The following RBFOX1 variants were observed in gnomAD, a reference collection of about 807,000 sequenced individuals.
RBFOX1 encodes RNA binding protein fox-1 homolog 1.
Under a neutral mutation model 57.7 loss-of-function variants are expected in RBFOX1, and 8 were observed. That is an observed-to-expected ratio of 0.14 (90% CI 0.08 to 0.25). The LOEUF (loss-of-function observed/expected upper bound fraction) is 0.25. Among genes scored for constraint, RBFOX1 ranks in the 10% least tolerant of loss-of-function variants. The probability of loss-of-function intolerance (pLI) is 1.00; values close to 1 mark genes in which losing one functional copy is unlikely to be tolerated. For synonymous variants in RBFOX1, 326 were observed against 222.4 expected, an observed-to-expected ratio of 1.47 and a Z score of -4.15; for missense variants, 611 against 548.5, an observed-to-expected ratio of 1.11 and a Z score of -1.14.
chr16:7,212,673 A>T (rs572637040), intron 4 of RBFOX1, among the ~76,000 whole-genome samples: 6 of 152,280 alleles, frequency 3.9e-5, no homozygotes, highest in African/African-American at 1.2e-4. Context: ...TGAGGAGTGT[A>T]GTTATTAGGA....
intron 1 of RBFOX1, among the ~76,000 whole-genome samples, chr16:5,395,440 G>A (rs200705440): frequency 6.7e-6 from 1 of 148,716 alleles, no homozygotes; most frequent in African/African-American, 2.6e-5. Flanking sequence ...GTGAGGTCAT[G>A]GGCCTTTGGA....
At chr16:7,526,317 G>A (rs1170655618) in intron 5 of RBFOX1, among the ~76,000 whole-genome samples, 1 of 152,182 alleles carries the variant, frequency 6.6e-6, no homozygotes, top group Non-Finnish European at 1.5e-5. Context: ...GAATTCTCAT[G>A]AAGATTGGTT....
chr16:6,193,404 A>ATATATATATAT (rs2097158579), intron 1 of RBFOX1, among the ~76,000 whole-genome samples: 1 of 90,326 alleles, frequency 1.1e-5, no homozygotes, highest in African/African-American at 3.8e-5. Context: ...ATATATATAT[A>ATATATATATAT]TATATATATA....
intron 4 of RBFOX1, among the ~76,000 whole-genome samples, chr16:5,944,009 A>G (rs1046340096): frequency 1.8e-4 from 26 of 147,838 alleles, no homozygotes; most frequent in Admixed American, 2.7e-4. Context: ...CCATCCATCC[A>G]CTCACCCATC....
chr16:5,979,651 CAA>C (rs2060133482), intron 4 of RBFOX1, among the ~76,000 whole-genome samples: 3 of 152,106 alleles, frequency 2.0e-5, no homozygotes, highest in Admixed American at 2.0e-4. Flanking sequence ...ATCACGAAGT[CAA>C]GAGATCAAGA....
chr16:7,069,573 A>C (rs575878816), intron 4 of RBFOX1, among the ~76,000 whole-genome samples: 1 of 152,306 alleles, frequency 6.6e-6, no homozygotes, highest in Admixed American at 6.5e-5. Context: ...TTTTCTGGCT[A>C]TGGGACACAT....
intron 3 of RBFOX1, among the ~76,000 whole-genome samples, chr16:6,964,238 C>T (rs183749699): frequency 6.6e-5 from 10 of 151,534 alleles, no homozygotes; most frequent in Admixed American, 3.3e-4. Context: ...AGGCTGGTCT[C>T]GAACTGCTGA....
In RBFOX1 at chr16:6,533,501, T is replaced by G. The variant is rs188025480; in HGVS notation, c.-63-121102T>G. On this transcript the variant is annotated intron_variant, in intron 2 of 15. Transcript: ENST00000550418. ...TCTGGACTCTACACTTGACACAGCC[T>G]CCAGGGATGGTGCTTGATTGATCCT... Among the ~76,000 whole-genome samples, 900 of 152,200 alleles carry G rather than the reference T, an allele frequency of 5.9e-3. 4 individuals are homozygous for G. The highest frequency in any genetic ancestry group is 0.017 in the Admixed American group (256 of 15,288).
chr16:7,077,999 C>T (rs533010213), intron 4 of RBFOX1, among the ~76,000 whole-genome samples: 6 of 152,114 alleles, frequency 3.9e-5, no homozygotes, highest in Non-Finnish European at 7.4e-5. Flanking sequence ...CTCTGGGGCC[C>T]GGTGAATGGA....
rs367663491 is a variant in RBFOX1 at position 5,320,910 on chromosome 16, C to T, written c.219+80805C>T. ...CTGTCTCCTGCTGTTGCCCCAGGGG[C>T]GGCCCTGCCTCTGGCTGACCCTGGC... On this transcript the variant is annotated intron_variant, in intron 1 of 2. Transcript: ENST00000585867. 1.1e-3 allele frequency among the ~76,000 whole-genome samples: 161 copies of T among 152,302 alleles called. 1 individual carries two copies. Among genetic ancestry groups the T allele is most frequent in the Middle Eastern group, 0.01 (3 of 294 alleles).
At chr16:6,923,294 G>A (rs1022517946) in intron 3 of RBFOX1, among the ~76,000 whole-genome samples, 2 of 152,146 alleles carry the variant, frequency 1.3e-5, no homozygotes, top group African/African-American at 4.8e-5. Context: ...AGAACTTTGG[G>A]ATGCCAAGGC....
intron 2 of RBFOX1, among the ~76,000 whole-genome samples, chr16:6,639,501 CATCTT>C (rs1825276629): frequency 1.3e-5 from 2 of 152,048 alleles, no homozygotes; most frequent in African/African-American, 2.4e-5. Flanking sequence ...TTTTTAGAAA[CATCTT>C]ATATTGAGAA....
At chr16:5,828,029 C>T (rs1335321454) in intron 3 of RBFOX1, among the ~76,000 whole-genome samples, 1 of 148,190 alleles carries the variant, frequency 6.7e-6, no homozygotes, top group African/African-American at 2.5e-5. Flanking sequence ...AGTCTTCTGT[C>T]CATCCATGTA....
chr16:5,986,864 T>A (rs1332351091), intron 4 of RBFOX1, among the ~76,000 whole-genome samples: 1 of 152,160 alleles, frequency 6.6e-6, no homozygotes, highest in Non-Finnish European at 1.5e-5. Flanking sequence ...GAATATAAAG[T>A]TGTAATTTCT....
chr16:7,079,429 A>G (rs1225562317), intron 4 of RBFOX1, among the ~76,000 whole-genome samples: 1 of 152,240 alleles, frequency 6.6e-6, no homozygotes, highest in Non-Finnish European at 1.5e-5. Context: ...GAGCAGAACC[A>G]CAGTTTACAC....
intron 14 of RBFOX1, among the ~76,000 whole-genome samples, chr16:7,698,402 A>C (rs182459860): frequency 6.6e-6 from 1 of 151,810 alleles, no homozygotes; most frequent in Non-Finnish European, 1.5e-5. Context: ...GCAAATGAAC[A>C]ATCTGCAAAA....
chr16:7,245,495 A>G (rs2094255324), intron 4 of RBFOX1, among the ~76,000 whole-genome samples: 1 of 152,172 alleles, frequency 6.6e-6, no homozygotes, highest in Non-Finnish European at 1.5e-5. Flanking sequence ...TCTTCAATTC[A>G]CCACTGTTGA....
intron 1 of RBFOX1, among the ~76,000 whole-genome samples, chr16:5,315,152 T>C (rs1327952548): frequency 1.3e-5 from 2 of 152,154 alleles, no homozygotes; most frequent in African/African-American, 2.4e-5. Context: ...ACAGATCACG[T>C]TGTTGGTGGA....
intron 1 of RBFOX1, among the ~76,000 whole-genome samples, chr16:6,047,205 G>C (rs1293932818): frequency 1.3e-5 from 2 of 152,196 alleles, no homozygotes; most frequent in Non-Finnish European, 2.9e-5. Context: ...AACACATGAT[G>C]ATGTCAGTGT....
Sources: gnomAD v4.1 joint callset for allele counts (sites outside exome capture counted in the v4.1 genomes callset) on GRCh38, gnomAD v4.1.1 for gene constraint, MANE v1.5 for transcripts, NCBI Gene and HGNC (gene_info 2026-07-23, HGNC 2026-07-21) for gene names.